The following ARNT2 variants were observed in gnomAD, a reference collection of about 807,000 sequenced individuals.
ARNT2 encodes aryl hydrocarbon receptor nuclear translocator 2, also known as ARNT protein 2.
A neutral mutation model predicts 91.7 loss-of-function variants in ARNT2; 36 were observed. That is an observed-to-expected ratio of 0.39 (90% CI 0.30 to 0.52). ARNT2 has a LOEUF of 0.52. ARNT2 is among the 20% of genes least tolerant of loss of function. The probability of loss-of-function intolerance (pLI) is 0.72; values close to 1 mark genes in which losing one functional copy is unlikely to be tolerated. For missense variants in ARNT2, 775 were observed against 939.3 expected, an observed-to-expected ratio of 0.83 and a Z score of 2.29; for synonymous variants, 365 against 347.1, an observed-to-expected ratio of 1.05 and a Z score of -0.57.
At chr15:80,588,147 C>A (rs1313619819) in intron 17 of ARNT2, among the ~76,000 whole-genome samples, 1 of 152,072 alleles carries the variant, frequency 6.6e-6, no homozygotes, top group Non-Finnish European at 1.5e-5. Context: ...AGTGGGAACT[C>A]AGCCGACCCC....
intron 1 of ARNT2, among the ~76,000 whole-genome samples, chr15:80,433,213 T>C (rs1406504917): frequency 1.3e-5 from 2 of 149,568 alleles, no homozygotes; most frequent in Non-Finnish European, 3.0e-5. Flanking sequence ...TTTTCCTTTT[T>C]AGAAAAGGCA....
At chr15:80,525,569 G>T (rs1409520746) in intron 8 of ARNT2, among the ~76,000 whole-genome samples, 1 of 151,952 alleles carries the variant, frequency 6.6e-6, no homozygotes, top group Non-Finnish European at 1.5e-5. Context: ...GAGGGAGGGG[G>T]GTAAAAGGGA....
chr15:80,423,835 AAGAC>A (rs1895896198), intron 1 of ARNT2, among the ~76,000 whole-genome samples: 1 of 151,994 alleles, frequency 6.6e-6, no homozygotes, highest in Non-Finnish European at 1.5e-5. Flanking sequence ...TTCAGCTCCA[AAGAC>A]AGACAGCCCA....
At chr15:80,533,834 A>G (rs970496699) in intron 8 of ARNT2, among the ~76,000 whole-genome samples, 1 of 152,202 alleles carries the variant, frequency 6.6e-6, no homozygotes, top group African/African-American at 2.4e-5. Context: ...CTCCTGGCCC[A>G]CTTCTTTCTT....
chr15:80,589,523 A>AT (rs1893236162), intron 17 of ARNT2, among the ~76,000 whole-genome samples: 1 of 152,228 alleles, frequency 6.6e-6, no homozygotes, highest in Admixed American at 6.5e-5. Flanking sequence ...GCATAAGGAC[A>AT]TTCCCCCAGT....
chr15:80,480,339 G>T (rs1007479638), intron 5 of ARNT2, among the ~76,000 whole-genome samples: 4 of 152,100 alleles, frequency 2.6e-5, no homozygotes, highest in Non-Finnish European at 4.4e-5. Context: ...AAGCAGCTCA[G>T]CAGGGGCCGC....
chr15:80,597,323 C>T lies in ARNT2; in HGVS notation c.*3625C>T, dbSNP rs117317859. 6.9e-3 allele frequency: 3,562 copies of T among 518,374 alleles called. 29 individuals carry two copies. Among genetic ancestry groups the T allele is most frequent in the Middle Eastern group, 0.011 (33 of 3,142 alleles). The allele number at this position is 518,374 out of a possible 1,614,324, so 32.1% of individuals were successfully genotyped here. A position where few individuals can be genotyped will look rare whatever the true frequency, so the allele number is the denominator to read the frequency against. ...ACATAAACAGGAAGAAGCCAGTGAC[C>T]GGAACAGCTCTAGGAATAACAAGTC... On this transcript the variant is annotated 3_prime_UTR_variant, in exon 19 of 19. Coordinates refer to ENST00000303329, the MANE Select transcript of ARNT2 (RefSeq NM_014862.4).
At chr15:80,542,836 C>G (rs1205001120) in intron 8 of ARNT2, among the ~76,000 whole-genome samples, 1 of 152,118 alleles carries the variant, frequency 6.6e-6, no homozygotes, top group South Asian at 2.1e-4. Flanking sequence ...GCTGTTTTCT[C>G]TGCTTCCTGC....
At position 80,514,495 on chromosome 15, in the gene ARNT2, T is replaced by C. The variant is rs2141428672; in HGVS notation, c.877+90T>C. The C allele has an allele frequency of 3.6e-6, 4 of 1,099,324 alleles. No individual in the cohort carries two copies. The South Asian group carries it at 4.1e-5, about 11-fold the overall frequency. 68.1% of individuals were successfully genotyped at this position (1,099,324 alleles called of 1,614,324 possible). ...TGTTAGAGAAGTATTCTCATAGGAATAGGTAGGAAAATATTCTTATTTTTC... is the reference window on the plus strand; with the variant it reads ...TGTTAGAGAAGTATTCTCATAGGAACAGGTAGGAAAATATTCTTATTTTTC... On this transcript the variant is annotated intron_variant, in intron 8 of 18. Coordinates refer to ENST00000303329, the MANE Select transcript of ARNT2 (RefSeq NM_014862.4).
chr15:80,490,625 C>T (rs774884274), intron 5 of ARNT2, among the ~76,000 whole-genome samples: 7 of 152,238 alleles, frequency 4.6e-5, no homozygotes, highest in East Asian at 1.9e-4. Context: ...CCCACAGTCC[C>T]GTCTCCCCTC....
At chr15:80,490,626 G>A (rs941055208) in intron 5 of ARNT2, among the ~76,000 whole-genome samples, 4 of 152,206 alleles carry the variant, frequency 2.6e-5, no homozygotes, top group Non-Finnish European at 5.9e-5. Flanking sequence ...CCACAGTCCC[G>A]TCTCCCCTCG....
In ARNT2 at chr15:80,552,514, A is replaced by G. The variant is rs908091018; in HGVS notation, c.955-126A>G. 23 of 1,236,806 alleles carry G rather than the reference A, an allele frequency of 1.9e-5. No homozygotes were observed. The Admixed American group carries it at 4.3e-4, about 23-fold the overall frequency. The allele number at this position is 1,236,806 out of a possible 1,614,324, so 76.6% of individuals were successfully genotyped here. A position where few individuals can be genotyped will look rare whatever the true frequency, so the allele number is the denominator to read the frequency against. On this transcript the variant is annotated intron_variant, in intron 9 of 18. Coordinates refer to ENST00000303329, the MANE Select transcript of ARNT2 (RefSeq NM_014862.4). ...ATAGATATTTGAACACTTTAGGGTC[A>G]TCGTACTAAATGACATGGAAGGATC...
chr15:80,432,577 G>A (rs1896026592), intron 1 of ARNT2, among the ~76,000 whole-genome samples: 1 of 152,110 alleles, frequency 6.6e-6, no homozygotes, highest in Non-Finnish European at 1.5e-5. Flanking sequence ...TTGCCACAGA[G>A]ACCTTATGGC....
In ARNT2 at chr15:80,591,622, C is replaced by T. The variant is rs1893281412; in HGVS notation, c.1973C>T (p.Ser658Leu). 2.5e-6 allele frequency: 4 copies of T among 1,614,166 alleles called. No homozygotes were observed. Among genetic ancestry groups the T allele is most frequent in the Non-Finnish European group, 3.4e-6 (4 of 1,180,020 alleles). Residue 658 changes from serine to leucine, a missense_variant, in exon 18 of 19, where the codon TCG (serine) becomes TTG (leucine). Ser to Leu is a moderately radical substitution (Grantham distance 145). Transcript: ENST00000303329. This position sits in a 1 kb window ranked among gnomAD's most constrained non-coding sequence, Gnocchi z 5.1. ...CAAGGGCGGCCCTCGGAAGTCTGGT[C>T]GCAGTGGCAAAGCCAGCACCATGGC... ...QFQGRPSEVW[S>L]QWQSQHHGQQ...
chr15:80,536,435 T>C (rs1272526550), intron 8 of ARNT2, among the ~76,000 whole-genome samples: 1 of 152,200 alleles, frequency 6.6e-6, no homozygotes, highest in Non-Finnish European at 1.5e-5. Context: ...TGCCCCTTAC[T>C]GTGCACCTGG....
rs969877338 is a variant in ARNT2, at chr15:80,549,266, A to G, written c.878-1933A>G. On this transcript the variant is annotated intron_variant, in intron 8 of 18. Transcript: ENST00000303329. The stretch of plus-strand genomic sequence containing the variant: ...ATCTAAATGTGAAAAATAAAACCAT[A>G]AAAGTATCAGAGGAAAACAAGAGTG... Among the ~76,000 whole-genome samples, 18 of 152,314 alleles carry G rather than the reference A, an allele frequency of 1.2e-4. 2 individuals carry two copies. The highest frequency in any genetic ancestry group is 2.0e-4 in the Admixed American group (3 of 15,308).
intron 8 of ARNT2, among the ~76,000 whole-genome samples, chr15:80,536,835 C>A (rs539839639): frequency 1.8e-4 from 28 of 152,276 alleles, no homozygotes; most frequent in African/African-American, 6.5e-4. Context: ...GACCTTGTTC[C>A]TGTCAGCTGA....
At chr15:80,429,312 GAGCTAGTGATCA>G (rs1895976118) in intron 1 of ARNT2, among the ~76,000 whole-genome samples, 1 of 152,190 alleles carries the variant, frequency 6.6e-6, no homozygotes, top group Non-Finnish European at 1.5e-5. Flanking sequence ...AAGGGGAAAG[GAGCTAGTGATCA>G]AGCTAGTGGC....
chr15:80,585,697 C>A (rs893939070), intron 17 of ARNT2, among the ~76,000 whole-genome samples: 1 of 152,092 alleles, frequency 6.6e-6, no homozygotes, highest in Non-Finnish European at 1.5e-5. Context: ...ACACACCCAC[C>A]CCACCAGGTG....
Sources: gnomAD v4.1 joint callset for allele counts (sites outside exome capture counted in the v4.1 genomes callset) on GRCh38, gnomAD v4.1.1 for gene constraint, Gnocchi (gnomAD v3.1) non-coding constraint, MANE v1.5 for transcripts, NCBI Gene and HGNC (gene_info 2026-07-23, HGNC 2026-07-21) for gene names.